STK17B: variants seen among roughly 807,000 people sequenced by gnomAD.
The protein encoded by STK17B is serine/threonine-protein kinase 17B.
In STK17B, 21 loss-of-function variants were observed where a neutral mutation model predicts 42.0. That is an observed-to-expected ratio of 0.50 (90% CI 0.35 to 0.72). The LOEUF (loss-of-function observed/expected upper bound fraction) is 0.72. Ranked by LOEUF, STK17B falls within the 30% of genes least tolerant of loss-of-function variation. The pLI is 0.00. For missense variants in STK17B, 349 were observed against 446.0 expected (o/e 0.78, Z 1.96); for synonymous variants, 143 against 148.4 (o/e 0.96, Z 0.26).
intron 2 of STK17B, among the ~76,000 whole-genome samples, chr2:196,160,340 C>T (rs572548391): frequency 4.6e-5 from 7 of 152,200 alleles, no homozygotes; most frequent in African/African-American, 1.7e-4. Context: ...GAAACCTTTG[C>T]CTCAGTTGGG....
rs772810962 is a variant in STK17B at position 196,141,273 on chromosome 2, G to A, written c.632C>T (p.Pro211Leu). ...CCACATATCTGTTGCTGTGGTAATG[G>A]GATCATAGTTCAGGATTTCTGGAGC... ...YLAPEILNYD[P>L]ITTATDMWNI... Residue 211 changes from proline (P) to leucine (L), a missense_variant, in exon 6 of 8, where the codon CCC becomes CTC. Around this residue, in one of 3 missense-constraint regions of STK17B, gnomAD observed 256 missense variants for 347.7 expected, o/e 0.74. Coordinates refer to ENST00000263955, the MANE Select transcript of STK17B (RefSeq NM_004226.4). 6.2e-7 allele frequency: 1 copy of A among 1,607,158 alleles called. No individual in the cohort carries two copies. Among genetic ancestry groups the A allele is most frequent in the East Asian group, 2.2e-5 (1 of 44,798 alleles).
intron 5 of STK17B, among the ~76,000 whole-genome samples, chr2:196,143,250 ATTT>A (rs146920094): frequency 0.052 from 7,852 of 151,980 alleles, 239 homozygotes; most frequent in East Asian, 0.088. Context: ...TTCTTTTTCC[ATTT>A]TTCTCTTTTT....
At chr2:196,149,210 C>G (rs909196885) in intron 3 of STK17B, among the ~76,000 whole-genome samples, 2 of 150,590 alleles carry the variant, frequency 1.3e-5, no homozygotes, top group African/African-American at 4.9e-5. Flanking sequence ...GTCGCCCAGG[C>G]TGGAGTGCAG....
chr2:196,144,037 T>C (rs1286149749), intron 4 of STK17B, among the ~76,000 whole-genome samples: 1 of 151,932 alleles, frequency 6.6e-6, no homozygotes, highest in Non-Finnish European at 1.5e-5. Context: ...AGTATGCTGG[T>C]TAGAAAGGTG....
rs1483238805 is a variant in STK17B at position 196,134,795 on chromosome 2, G to A, written c.*2652C>T. The A allele has an allele frequency of 6.6e-6, 1 of 152,168 alleles. No homozygotes were observed. The highest frequency in any genetic ancestry group is 1.9e-4 in the East Asian group (1 of 5,192). 9.4% of individuals were successfully genotyped at this position (152,168 alleles called of 1,614,324 possible). On this transcript the variant is annotated 3_prime_UTR_variant, in exon 8 of 8. Coordinates refer to ENST00000263955, the MANE Select transcript of STK17B (RefSeq NM_004226.4). ...CACTTATCTTCTCATGTGTTCAAGT[G>A]TTACTGACATTTGTCCACTCACAGG...
chr2:196,161,553 G>C (rs1042843989), intron 2 of STK17B, among the ~76,000 whole-genome samples: 33 of 105,842 alleles, frequency 3.1e-4, no homozygotes, highest in Non-Finnish European at 4.7e-4. Context: ...AAGTCTCACT[G>C]TGTTGCCCAA....
chr2:196,169,696 T>A (rs1214789277), intron 1 of STK17B, among the ~76,000 whole-genome samples: 1 of 152,210 alleles, frequency 6.6e-6, no homozygotes, highest in African/African-American at 2.4e-5. Flanking sequence ...CAGCGATTAG[T>A]CAAACCTCCA....
chr2:196,171,976 C>T (rs749385883), upstream of STK17B, among the ~76,000 whole-genome samples: 21 of 152,188 alleles, frequency 1.4e-4, no homozygotes, highest in Non-Finnish European at 2.5e-4. Flanking sequence ...TCCCAGCTGC[C>T]TGCGACTAGT....
At chr2:196,145,536 G>C (rs1699560436) in intron 4 of STK17B, among the ~76,000 whole-genome samples, 1 of 152,172 alleles carries the variant, frequency 6.6e-6, no homozygotes, top group African/African-American at 2.4e-5. Context: ...ATGAGGATTA[G>C]CAGGATTTAT....
intron 3 of STK17B, among the ~76,000 whole-genome samples, chr2:196,150,551 T>G (rs1053151193): frequency 1.3e-4 from 20 of 152,184 alleles, no homozygotes; most frequent in African/African-American, 4.6e-4. Flanking sequence ...AGTTAATACA[T>G]GAAAGATTAA....
intron 3 of STK17B, among the ~76,000 whole-genome samples, chr2:196,146,865 C>T (rs1282982200): frequency 2.6e-5 from 4 of 151,984 alleles, no homozygotes; most frequent in Non-Finnish European, 4.4e-5. Flanking sequence ...TTAGCCAATA[C>T]CATCTTGTAC....
chr2:196,139,551 ATTAT>A (rs1354078580), intron 7 of STK17B, 65 bp downstream of exon 7: 3 of 984,460 alleles, frequency 3.0e-6, no homozygotes, highest in African/African-American at 3.4e-5. Context: ...ATAGGTATAT[ATTAT>A]TTATTCTGTA....
At chr2:196,139,861 C>A in intron 6 of STK17B, 62 bp from the exon 7 acceptor site, 1 of 1,222,694 alleles carries the variant, frequency 8.2e-7, no homozygotes, top group East Asian at 2.9e-5. Flanking sequence ...ATACAAAGTA[C>A]AATCGACATT....
At chr2:196,166,751 A>T (rs1699878524) in intron 1 of STK17B, among the ~76,000 whole-genome samples, 1 of 152,224 alleles carries the variant, frequency 6.6e-6, no homozygotes, top group Non-Finnish European at 1.5e-5. Context: ...ACTTACTTGA[A>T]TGCAGAAAGC....
chr2:196,145,898 C>T lies in STK17B; in HGVS notation c.480+13G>A. 6.4e-7 allele frequency: 1 copy of T among 1,550,886 alleles called. No individual in the cohort carries two copies. On this transcript the variant is annotated intron_variant, in intron 4 of 7. Coordinates refer to ENST00000263955, the MANE Select transcript of STK17B (RefSeq NM_004226.4). ...ACACAGATGTTGCATTACTTTAAAT[C>T]ACGTTACGTTACCTTTAAATCAAGG...
intron 1 of STK17B, among the ~76,000 whole-genome samples, chr2:196,168,717 C>T (rs1699899697): frequency 6.6e-6 from 1 of 152,116 alleles, no homozygotes; most frequent in African/African-American, 2.4e-5. Context: ...TAATAAAAAA[C>T]TTAATAAAGT....
intron 5 of STK17B, among the ~76,000 whole-genome samples, chr2:196,142,552 G>A (rs1289641969): frequency 6.6e-6 from 1 of 152,146 alleles, no homozygotes; most frequent in Non-Finnish European, 1.5e-5. Flanking sequence ...TGAAAAATAA[G>A]TTTCTTGTTT....
At chr2:196,176,192 G>C (rs1403095305), upstream of STK17B, 4 of 152,166 alleles carry the variant, frequency 2.6e-5, no homozygotes, top group African/African-American at 7.2e-5. Context: ...CTCTGTCTTA[G>C]GGTCCATGTG....
chr2:196,152,406 CA>C (rs956841379), intron 3 of STK17B, among the ~76,000 whole-genome samples: 1 of 152,092 alleles, frequency 6.6e-6, no homozygotes, highest in Non-Finnish European at 1.5e-5. Context: ...CACCCCCGGC[CA>C]AAAAAGTGCC....
Sources: allele counts gnomAD v4.1 joint callset (sites outside exome capture counted in the v4.1 genomes callset), GRCh38; gene constraint gnomAD v4.1.1; regional missense constraint gnomAD v4.1.1; transcripts MANE v1.5; gene names NCBI Gene and HGNC (gene_info 2026-07-23, HGNC 2026-07-21).